Variants in TMEM132C observed in about 807,000 individuals in gnomAD.
TMEM132C encodes transmembrane protein 132C, also known as protein phosphatase 1, regulatory subunit 152.
TMEM132C carries 29 observed loss-of-function variants against 61.4 expected under a neutral mutation model. The observed-to-expected ratio is 0.47, with a 90% CI of 0.35 to 0.64. TMEM132C has a LOEUF of 0.64. TMEM132C is among the 30% of genes least tolerant of loss of function. The probability of loss-of-function intolerance (pLI) is 0.00; values close to 1 mark genes in which losing one functional copy is unlikely to be tolerated. For missense variants in TMEM132C, 1,408 were observed against 1,476.9 expected (o/e 0.95, Z 0.76); for synonymous variants, 656 against 633.1 (o/e 1.04, Z -0.54).
At chr12:128,636,339 G>A (rs1954103303) in intron 4 of TMEM132C, among the ~76,000 whole-genome samples, 1 of 152,096 alleles carries the variant, frequency 6.6e-6, no homozygotes, top group East Asian at 1.9e-4. Flanking sequence ...GGCGTGAACT[G>A]CCACACCCGG....
At chr12:128,466,494 C>T (rs1345086082) in intron 2 of TMEM132C, among the ~76,000 whole-genome samples, 2 of 152,154 alleles carry the variant, frequency 1.3e-5, no homozygotes, top group East Asian at 3.9e-4. Context: ...ATCGTTCCAC[C>T]AGGTCATGAC....
intron 2 of TMEM132C, among the ~76,000 whole-genome samples, chr12:128,443,501 C>T (rs1306179776): frequency 6.6e-6 from 1 of 152,170 alleles, no homozygotes; most frequent in Non-Finnish European, 1.5e-5. Context: ...ATTTATGATA[C>T]TATTCTTCTA....
chr12:128,587,055 C>T (rs189635136), intron 3 of TMEM132C, among the ~76,000 whole-genome samples: 1 of 152,332 alleles, frequency 6.6e-6, no homozygotes, highest in East Asian at 1.9e-4. Context: ...GGGAATTGCC[C>T]AGTGTGGGGA....
At chr12:128,422,390 T>A (rs1869020931) in intron 2 of TMEM132C, among the ~76,000 whole-genome samples, 1 of 152,194 alleles carries the variant, frequency 6.6e-6, no homozygotes, top group Non-Finnish European at 1.5e-5. Context: ...TTTGGCCTTG[T>A]CAGTAAGCAA....
rs1057395435 is a variant in TMEM132C, at chr12:128,511,121, T to A, written c.975-32836T>A. Among the ~76,000 whole-genome samples the A allele has an allele frequency of 3.9e-5, 6 of 152,136 alleles. No individual in the cohort carries two copies. The South Asian group carries it at 1.2e-3, about 31-fold the overall frequency. On this transcript the variant is annotated intron_variant, in intron 2 of 8. Coordinates refer to ENST00000435159, the MANE Select transcript of TMEM132C (RefSeq NM_001136103.3). The stretch of plus-strand genomic sequence containing the variant: ...TGGGTGGGCCCAGGGATTTCTGCAA[T>A]TGATTTGTGGATGAGTCGAGAAAGT...
intron 4 of TMEM132C, among the ~76,000 whole-genome samples, chr12:128,617,954 C>T (rs1032013292): frequency 3.3e-5 from 5 of 152,180 alleles, no homozygotes; most frequent in South Asian, 2.1e-4. Context: ...ATCTGCTGCC[C>T]GGTTTTGTAC....
intron 2 of TMEM132C, among the ~76,000 whole-genome samples, chr12:128,527,071 C>T (rs1015438293): frequency 2.0e-5 from 3 of 152,186 alleles, no homozygotes; most frequent in Non-Finnish European, 1.5e-5. Context: ...CGTTTCAGCC[C>T]GTGCATCCTC....
chr12:128,333,067 T>C (rs1872701137), intron 1 of TMEM132C, among the ~76,000 whole-genome samples: 1 of 152,128 alleles, frequency 6.6e-6, no homozygotes, highest in Non-Finnish European at 1.5e-5. Flanking sequence ...TGTGTGTATA[T>C]GTATGGGTGT....
intron 6 of TMEM132C, 35 bp downstream of exon 6, chr12:128,694,069 A>C: frequency 6.5e-7 from 1 of 1,545,062 alleles, no homozygotes; most frequent in East Asian, 2.4e-5. Context: ...CTAGAGCCAA[A>C]ACAACAACTT....
intron 2 of TMEM132C, among the ~76,000 whole-genome samples, chr12:128,419,872 T>C (rs1353824307): frequency 6.6e-6 from 1 of 152,140 alleles, no homozygotes; most frequent in African/African-American, 2.4e-5. Flanking sequence ...TGCATGAAGC[T>C]GATTTCCTAG....
chr12:128,386,202 T>A (rs1238671101), intron 1 of TMEM132C, among the ~76,000 whole-genome samples: 1 of 152,206 alleles, frequency 6.6e-6, no homozygotes, highest in Non-Finnish European at 1.5e-5. Flanking sequence ...ATTCATTTGC[T>A]CCTGCCCACG....
At chr12:128,644,339 A>T (rs886435505) in intron 4 of TMEM132C, among the ~76,000 whole-genome samples, 2 of 152,252 alleles carry the variant, frequency 1.3e-5, no homozygotes, top group African/African-American at 2.4e-5. Flanking sequence ...AAATCAATCC[A>T]TGTGTCCTTT....
intron 1 of TMEM132C, among the ~76,000 whole-genome samples, chr12:128,363,845 GAAAAAAA>G (rs528314942): frequency 9.9e-6 from 1 of 101,392 alleles, no homozygotes; most frequent in Non-Finnish European, 1.9e-5. Flanking sequence ...ACTCTGTCTC[GAAAAAAA>G]AAAAAAAAAA....
rs554543671 is a variant in TMEM132C at position 128,415,988 on chromosome 12, A to G, written c.974+368A>G. On this transcript the variant is annotated intron_variant, in intron 2 of 8. Transcript: ENST00000435159. This position sits in a 1 kb window ranked among gnomAD's most constrained non-coding sequence, Gnocchi z 5.8. ...GTTGCTTGATTGAAAGTCTACGTTC[A>G]AGAAGCCCAAGAAAAGGCAGGGGAG... is the stretch of plus-strand genomic sequence containing the variant. 6.6e-6 allele frequency among the ~76,000 whole-genome samples: 1 copy of G among 152,312 alleles called. No homozygotes were observed. The highest frequency in any genetic ancestry group is 2.1e-4 in the South Asian group (1 of 4,824).
intron 4 of TMEM132C, among the ~76,000 whole-genome samples, chr12:128,622,354 A>ATAT (rs1953971029): frequency 1.5e-5 from 1 of 66,280 alleles, no homozygotes; most frequent in Non-Finnish European, 2.9e-5. Flanking sequence ...AAAAAAAAAA[A>ATAT]AAAAAAATAT....
chr12:128,706,094 C>T lies in TMEM132C; in HGVS notation c.3126C>T (p.Asp1042=), dbSNP rs752030046. ...GGRQGREQKQ[D]PLHSPTSKRK... ...GGCAGGGCAGAGAACAGAAGCAGGA[C>T]CCCCTGCACTCGCCCACCTCCAAGA... The change falls in exon 9 of 9, where the codon GAC becomes GAT. Residue 1042 remains aspartate, a synonymous_variant. Transcript: ENST00000435159. 7.2e-5 allele frequency: 112 copies of T among 1,551,384 alleles called. No homozygotes were observed. The highest frequency in any genetic ancestry group is 2.1e-4 in the African/African-American group (15 of 73,040).
intron 3 of TMEM132C, among the ~76,000 whole-genome samples, chr12:128,574,639 G>A (rs1270916041): frequency 6.6e-6 from 1 of 152,192 alleles, no homozygotes; most frequent in Non-Finnish European, 1.5e-5. Context: ...CTTCAGTTCC[G>A]GTAAATTGGC....
chr12:128,565,975 C>T (rs577251121), intron 3 of TMEM132C, among the ~76,000 whole-genome samples: 5 of 152,132 alleles, frequency 3.3e-5, no homozygotes, highest in African/African-American at 4.8e-5. Flanking sequence ...CTGCAACCTC[C>T]GCCACCTGGA....
intron 5 of TMEM132C, among the ~76,000 whole-genome samples, chr12:128,687,156 G>A (rs531464035): frequency 6.9e-6 from 1 of 143,886 alleles, no homozygotes; most frequent in Non-Finnish European, 1.5e-5. Context: ...GAGCCGAGAT[G>A]GCGCCATTGC....
Sources: gnomAD v4.1 joint callset for allele counts (sites outside exome capture counted in the v4.1 genomes callset) on GRCh38, gnomAD v4.1.1 for gene constraint, Gnocchi (gnomAD v3.1) non-coding constraint, MANE v1.5 for transcripts, NCBI Gene and HGNC (gene_info 2026-07-23, HGNC 2026-07-21) for gene names.